The following GABRG3 variants were observed in gnomAD, a reference collection of about 807,000 sequenced individuals.
The protein encoded by GABRG3 is gamma-aminobutyric acid receptor subunit gamma-3.
In GABRG3, 25 loss-of-function variants were observed where a neutral mutation model predicts 48.8. That is an observed-to-expected ratio of 0.51 (90% CI 0.37 to 0.72). GABRG3 has a LOEUF of 0.72. Among genes scored for constraint, GABRG3 ranks in the 30% least tolerant of loss-of-function variants. The pLI, the probability that GABRG3 is intolerant of heterozygous loss-of-function variation, is 0.00. For missense variants in GABRG3, 394 were observed against 577.9 expected (o/e 0.68, Z 3.26); for synonymous variants, 227 against 217.6 (o/e 1.04, Z -0.38).
rs1891654289 is a variant in GABRG3 at position 27,541,124 on chromosome 15, T to A, written c.*8243T>A. The stretch of plus-strand genomic sequence containing the variant: ...TCCAGCTTCACTACCTGATCAGGAG[T>A]CCCTCTGGGGTCCACACAAGCCTGC... On this transcript the variant is annotated 3_prime_UTR_variant, in exon 10 of 10. Coordinates refer to ENST00000615808, the MANE Select transcript of GABRG3 (RefSeq NM_033223.5). The A allele has an allele frequency of 1.3e-5, 2 of 152,116 alleles. No individual in the cohort carries two copies. Among genetic ancestry groups the A allele is most frequent in the African/African-American group, 4.8e-5 (2 of 41,414 alleles). 9.4% of individuals were successfully genotyped at this position (152,116 alleles called of 1,614,324 possible). A position where few individuals can be genotyped will look rare whatever the true frequency, so the allele number is the denominator to read the frequency against.
Position 27,430,958 on chromosome 15 carries a change from C to A in GABRG3, c.575-49692C>A, listed in dbSNP as rs138330489. On this transcript the variant is annotated intron_variant, in intron 5 of 9. Transcript: ENST00000615808. ...TAAGCCGAGATCGCTGCACTGTGCT[C>A]CAGCCTGGGTGACAGAGCAAGTCCC... Among the ~76,000 whole-genome samples the A allele has an allele frequency of 9.9e-3, 1,496 of 151,590 alleles. 19 individuals are homozygous for A. The highest frequency in any genetic ancestry group is 0.035 in the African/African-American group (1,433 of 41,278).
intron 3 of GABRG3, among the ~76,000 whole-genome samples, chr15:27,200,832 T>C (rs1385249214): frequency 2.0e-5 from 3 of 152,164 alleles, no homozygotes; most frequent in Non-Finnish European, 4.4e-5. Context: ...TCTTCACTTC[T>C]GACAGAAGTC....
intron 2 of GABRG3, among the ~76,000 whole-genome samples, chr15:27,023,601 G>T (rs1895935548): frequency 6.6e-6 from 1 of 152,172 alleles, no homozygotes; most frequent in South Asian, 2.1e-4. Flanking sequence ...TTAGCATAAT[G>T]TCCTCAAGGT....
intron 3 of GABRG3, among the ~76,000 whole-genome samples, chr15:27,322,622 T>TAATCC (rs1893467825): frequency 6.6e-6 from 1 of 152,174 alleles, no homozygotes; most frequent in Non-Finnish European, 1.5e-5. Context: ...TCGTTACATT[T>TAATCC]AATCCAATCC....
intron 3 of GABRG3, among the ~76,000 whole-genome samples, chr15:27,162,592 A>G (rs1887232011): frequency 6.6e-6 from 1 of 152,076 alleles, no homozygotes; most frequent in Non-Finnish European, 1.5e-5. Context: ...ATGGAGAAAC[A>G]CGCCAAATGG....
chr15:27,293,099 G>C (rs1012498405), intron 3 of GABRG3, among the ~76,000 whole-genome samples: 6 of 152,172 alleles, frequency 3.9e-5, no homozygotes, highest in Non-Finnish European at 7.3e-5. Flanking sequence ...TAAAGGCTGA[G>C]GGATTACTGA....
intron 5 of GABRG3, among the ~76,000 whole-genome samples, chr15:27,404,624 G>T (rs2140591714): frequency 6.6e-6 from 1 of 152,290 alleles, no homozygotes; most frequent in Non-Finnish European, 1.5e-5. Flanking sequence ...GCTGACACAG[G>T]GGTAGCAGTG....
In GABRG3 at chr15:27,352,264, G is replaced by A. The variant is rs1255634730; in HGVS notation, c.574+23376G>A. On this transcript the variant is annotated intron_variant, in intron 5 of 9. Transcript: ENST00000615808. This position sits in a 1 kb window ranked among gnomAD's most constrained non-coding sequence, Gnocchi z 4.0. ...ACCGTTCAGCTAATCTCCGTCTCGC[G>A]CTCACTGTTCACAGCGTAAATCCAG... 6.6e-6 allele frequency among the ~76,000 whole-genome samples: 1 copy of A among 151,866 alleles called. No individual in the cohort carries two copies. The highest frequency in any genetic ancestry group is 1.5e-5 in the Non-Finnish European group (1 of 67,978).
intron 3 of GABRG3, among the ~76,000 whole-genome samples, chr15:27,225,687 G>A (rs1275820628): frequency 6.6e-6 from 1 of 151,964 alleles, no homozygotes; most frequent in East Asian, 1.9e-4. Flanking sequence ...AATGGTGTGA[G>A]GGACTTTGTA....
At chr15:27,472,762 A>T (rs1889823824) in intron 5 of GABRG3, among the ~76,000 whole-genome samples, 2 of 152,116 alleles carry the variant, frequency 1.3e-5, no homozygotes, top group South Asian at 4.1e-4. Context: ...AAGTTATTGG[A>T]TCTTAGGAAC....
intron 5 of GABRG3, among the ~76,000 whole-genome samples, chr15:27,379,618 A>T (rs542067329): frequency 2.0e-5 from 3 of 152,214 alleles, no homozygotes; most frequent in Non-Finnish European, 4.4e-5. Context: ...TCTATTGCCA[A>T]CAAATGTTCT....
In GABRG3 at chr15:27,400,470, T is replaced by A. The variant is rs930959531; in HGVS notation, c.574+71582T>A. On this transcript the variant is annotated intron_variant, in intron 5 of 9. Transcript: ENST00000615808. Reference sequence around the variant, plus strand: ...TTCCTTACCATTGAATAAGATACTATGCTTTGATGTTAAAAATTGATTAGT... The same window carrying A: ...TTCCTTACCATTGAATAAGATACTAAGCTTTGATGTTAAAAATTGATTAGT... Among the ~76,000 whole-genome samples, 4 of 152,368 alleles carry A rather than the reference T, an allele frequency of 2.6e-5. No homozygotes were observed. The East Asian group carries it at 7.7e-4, about 29-fold the overall frequency.
At chr15:27,510,291 C>G (rs1890865354) in intron 6 of GABRG3, among the ~76,000 whole-genome samples, 1 of 150,972 alleles carries the variant, frequency 6.6e-6, no homozygotes, top group Non-Finnish European at 1.5e-5. Context: ...TGTGACCTTC[C>G]CAAGTGTTCC....
At chr15:27,462,237 T>G (rs1172783804) in intron 5 of GABRG3, among the ~76,000 whole-genome samples, 1 of 152,110 alleles carries the variant, frequency 6.6e-6, no homozygotes, top group Non-Finnish European at 1.5e-5. Flanking sequence ...TCTAAGCTTA[T>G]CAGCATCTGC....
chr15:27,519,433 G>C (rs11638824), intron 6 of GABRG3, among the ~76,000 whole-genome samples: 84,825 of 151,922 alleles, frequency 0.56, 23,820 homozygotes, highest in East Asian at 0.67. Context: ...TAAGTCCTGG[G>C]TTACAAAAGG....
intron 3 of GABRG3, among the ~76,000 whole-genome samples, chr15:27,096,990 G>A (rs950047728): frequency 5.8e-4 from 87 of 148,822 alleles, no homozygotes; most frequent in Non-Finnish European, 1.0e-3. Context: ...AAAGGAACAT[G>A]CCACCATACC....
intron 5 of GABRG3, among the ~76,000 whole-genome samples, chr15:27,468,387 G>T (rs1182201721): frequency 6.6e-6 from 1 of 152,134 alleles, no homozygotes; most frequent in Non-Finnish European, 1.5e-5. Flanking sequence ...ACAAATATGG[G>T]TGTTCCTGGA....
rs184448138 is a variant in GABRG3 at position 27,307,407 on chromosome 15, A to G, written c.271-19402A>G. Among the ~76,000 whole-genome samples the G allele has an allele frequency of 6.9e-3, 327 of 47,402 alleles. 59 individuals are homozygous for G. The highest frequency in any genetic ancestry group is 0.021 in the East Asian group (71 of 3,316). 31.1% of individuals were successfully genotyped at this position (47,402 alleles called of 152,430 possible). A position where few individuals can be genotyped will look rare whatever the true frequency, so the allele number is the denominator to read the frequency against. Reference sequence around the variant, plus strand: ...TATATATAACCATATAGGTTTATATATTTATATATAAACATATAGGTTTAT... The same window carrying G: ...TATATATAACCATATAGGTTTATATGTTTATATATAAACATATAGGTTTAT... On this transcript the variant is annotated intron_variant, in intron 3 of 9. Transcript: ENST00000615808.
At chr15:27,057,763 G>A (rs896075733) in intron 3 of GABRG3, among the ~76,000 whole-genome samples, 2 of 152,224 alleles carry the variant, frequency 1.3e-5, no homozygotes, top group Admixed American at 1.3e-4. Flanking sequence ...TGGAATCGGT[G>A]TAGTTCAGGA....
Sources: allele counts gnomAD v4.1 joint callset (sites outside exome capture counted in the v4.1 genomes callset), GRCh38; gene constraint gnomAD v4.1.1; non-coding constraint Gnocchi (gnomAD v3.1); transcripts MANE v1.5; gene names NCBI Gene and HGNC (gene_info 2026-07-23, HGNC 2026-07-21).